Variants in TDRD15 observed in about 807,000 individuals in gnomAD.
TDRD15 encodes the protein tudor domain containing 15.
For missense variants in TDRD15, 1,416 were observed against 904.7 expected, an observed-to-expected ratio of 1.57 and a Z score of -7.25; for synonymous variants, 503 against 314.5, an observed-to-expected ratio of 1.60 and a Z score of -6.34.
At chr2:21,132,416 G>T (rs978553461) in intron 2 of TDRD15, among the ~76,000 whole-genome samples, 3 of 152,060 alleles carry the variant, frequency 2.0e-5, no homozygotes, top group Non-Finnish European at 4.4e-5. Context: ...TGGAGTTAAG[G>T]CTAAAAGACT....
intron 1 of TDRD15, among the ~76,000 whole-genome samples, chr2:21,124,783 ATGTG>A (rs1332639649): frequency 3.0e-5 from 1 of 33,614 alleles, no homozygotes; most frequent in Non-Finnish European, 5.8e-5. Flanking sequence ...ATGCCAGGGT[ATGTG>A]TGTGTGTGAC....
rs576337805 is a variant in TDRD15 at position 21,126,004 on chromosome 2, G to A, written c.-200-1597G>A. Among the ~76,000 whole-genome samples, 74 of 151,970 alleles carry A rather than the reference G, an allele frequency of 4.9e-4. 1 individual carries two copies. Among genetic ancestry groups the A allele is most frequent in the African/African-American group, 1.7e-3 (69 of 41,442 alleles). Reference sequence around the variant, plus strand: ...TAATGAACATTCAGGTTGTGCATGTGTGTGTGTATGTGTGTGTGTGTGTGT... The same window carrying A: ...TAATGAACATTCAGGTTGTGCATGTATGTGTGTATGTGTGTGTGTGTGTGT... On this transcript the variant is annotated intron_variant, in intron 1 of 3. Coordinates refer to ENST00000405799, the MANE Select transcript of TDRD15 (RefSeq NM_001306137.2).
At chr2:21,136,831 A>C (rs544517874) in intron 3 of TDRD15, among the ~76,000 whole-genome samples, 13 of 152,138 alleles carry the variant, frequency 8.5e-5, no homozygotes, top group South Asian at 2.1e-4. Context: ...GGATATACCT[A>C]ACCTACTTCA....
intron 3 of TDRD15, among the ~76,000 whole-genome samples, chr2:21,135,119 AT>A (rs1665784678): frequency 6.8e-6 from 1 of 146,214 alleles, no homozygotes; most frequent in Admixed American, 6.9e-5. Context: ...TATAAAATAT[AT>A]TATGTATTAA....
At position 21,142,546 on chromosome 2, in the gene TDRD15, A is replaced by G. The variant is rs1261798418; in HGVS notation, c.5079A>G (p.Thr1693=). ...LLLLEYLNLN[T]VPVEENKLRL... ...TTTTGGAATACTTAAATTTGAATACAGTTCCTGTTGAAGAAAACAAACTTA... is the reference window on the plus strand; with the variant it reads ...TTTTGGAATACTTAAATTTGAATACGGTTCCTGTTGAAGAAAACAAACTTA... Residue 1693 remains threonine, a synonymous_variant, in exon 4 of 4, where the codon ACA becomes ACG. Coordinates refer to ENST00000405799, the MANE Select transcript of TDRD15 (RefSeq NM_001306137.2). 1 of 705,556 alleles carries G rather than the reference A, an allele frequency of 1.4e-6. No individual in the cohort carries two copies. The highest frequency in any genetic ancestry group is 2.6e-6 in the Non-Finnish European group (1 of 380,896). The allele number at this position is 705,556 out of a possible 1,614,324, so 43.7% of individuals were successfully genotyped here.
Position 21,138,615 on chromosome 2 carries a change from T to C in TDRD15, c.1148T>C (p.Val383Ala), listed in dbSNP as rs1183008081. 4.2e-6 allele frequency: 3 copies of C among 713,230 alleles called. No individual in the cohort carries two copies. Among genetic ancestry groups the C allele is most frequent in the African/African-American group, 1.8e-5 (1 of 57,084 alleles). 44.2% of individuals were successfully genotyped at this position (713,230 alleles called of 1,614,324 possible). A position where few individuals can be genotyped will look rare whatever the true frequency, so the allele number is the denominator to read the frequency against. ...IFKQALLGQV[V>A]YAHIDWFNKD... The stretch of plus-strand genomic sequence containing the variant: ...AAACAGGCCTTATTAGGACAAGTGG[T>C]ATATGCACACATTGATTGGTTCAAT... The change falls in exon 4 of 4, where the codon GTA becomes GCA. Residue 383 changes from valine to alanine, a missense_variant. Transcript: ENST00000405799.
At position 21,141,110 on chromosome 2, in the gene TDRD15, T is replaced by A. The variant is rs1401756183; in HGVS notation, c.3643T>A (p.Tyr1215Asn). 1 of 708,784 alleles carries A rather than the reference T, an allele frequency of 1.4e-6. No individual in the cohort carries two copies. The highest frequency in any genetic ancestry group is 2.6e-6 in the Non-Finnish European group (1 of 382,290). The allele number at this position is 708,784 out of a possible 1,614,324, so 43.9% of individuals were successfully genotyped here. Residue 1215 changes from tyrosine (Y) to asparagine (N), a missense_variant, in exon 4 of 4, where the codon TAT becomes AAT. Coordinates refer to ENST00000405799, the MANE Select transcript of TDRD15 (RefSeq NM_001306137.2). Reference sequence around the variant, plus strand: ...CAGGTTTTTGAAGCCATCAGTTTGTTATAAAATGGAACCTGTGTCAAAAAA... The same window carrying A: ...CAGGTTTTTGAAGCCATCAGTTTGTAATAAAATGGAACCTGTGTCAAAAAA... ...HARFLKPSVC[Y>N]KMEPVSKNKM...
At chr2:21,128,421 C>T (rs942652692) in intron 2 of TDRD15, among the ~76,000 whole-genome samples, 1 of 151,482 alleles carries the variant, frequency 6.6e-6, no homozygotes, top group Non-Finnish European at 1.5e-5. Context: ...CTCCCGGGTT[C>T]ACGCCATTCT....
intron 2 of TDRD15, among the ~76,000 whole-genome samples, chr2:21,134,311 T>A (rs1665769789): frequency 6.6e-6 from 1 of 151,954 alleles, no homozygotes; most frequent in Non-Finnish European, 1.5e-5. Context: ...AAAATATAAT[T>A]TTTATATAAA....
Position 21,139,545 on chromosome 2 carries a change from A to G in TDRD15, c.2078A>G (p.Lys693Arg), listed in dbSNP as rs1283234501. The stretch of plus-strand genomic sequence containing the variant: ...GAATCTAAAAACAAAGTTAATATTA[A>G]AAAAGTCATATCTGCCCTTCTTGAA... ...NSESKNKVNI[K>R]KVISALLEGP... Residue 693 changes from lysine (K) to arginine (R), a missense_variant, in exon 4 of 4, where the codon AAA becomes AGA. By Grantham distance (26) the Lys-to-Arg change is conservative. Coordinates refer to ENST00000405799, the MANE Select transcript of TDRD15 (RefSeq NM_001306137.2). The G allele has an allele frequency of 6.0e-5, 42 of 703,054 alleles. No homozygotes were observed. The East Asian group carries it at 1.1e-3, about 19-fold the overall frequency. The allele number at this position is 703,054 out of a possible 1,614,324, so 43.6% of individuals were successfully genotyped here.
intron 2 of TDRD15, among the ~76,000 whole-genome samples, chr2:21,133,988 C>A (rs1466259737): frequency 6.6e-6 from 1 of 151,868 alleles, no homozygotes; most frequent in Non-Finnish European, 1.5e-5. Flanking sequence ...TTTCATTTGT[C>A]TCTTTAATTA....
In TDRD15 at chr2:21,142,927, T is replaced by G; in HGVS notation, c.5460T>G (p.Ser1820=). The G allele has an allele frequency of 1.4e-6, 1 of 696,828 alleles. No individual in the cohort carries two copies. The allele number at this position is 696,828 out of a possible 1,614,324, so 43.2% of individuals were successfully genotyped here. The change falls in exon 4 of 4, where the codon TCT becomes TCG. Residue 1820 remains serine (S), a synonymous_variant. Transcript: ENST00000405799. ...TTGTGTTGGTTGACTATGGATTTTC[T>G]TTTTATATACGTTATTCAGAAATTA... is the stretch of plus-strand genomic sequence containing the variant. ...LCLVLVDYGF[S]FYIRYSEIIN...
At chr2:21,125,856 A>G (rs1484788458) in intron 1 of TDRD15, among the ~76,000 whole-genome samples, 1 of 152,020 alleles carries the variant, frequency 6.6e-6, no homozygotes, top group Non-Finnish European at 1.5e-5. Flanking sequence ...TTTTTATATT[A>G]CTCTGACCTC....
intron 3 of TDRD15, among the ~76,000 whole-genome samples, chr2:21,136,546 A>G (rs1413878736): frequency 2.0e-5 from 3 of 151,924 alleles, no homozygotes. Flanking sequence ...TTGAGGGGGA[A>G]GGCATCCAAT....
chr2:21,125,427 A>AGGGT (rs1553306674), intron 1 of TDRD15, among the ~76,000 whole-genome samples: 1 of 125,404 alleles, frequency 8.0e-6, no homozygotes, highest in African/African-American at 2.8e-5. Context: ...TCCGAATGCC[A>AGGGT]GGGTGTGTGT....
At chr2:21,128,309 A>T (rs1482663610) in intron 2 of TDRD15, among the ~76,000 whole-genome samples, 3 of 147,018 alleles carry the variant, frequency 2.0e-5, no homozygotes, top group Non-Finnish European at 3.0e-5. Flanking sequence ...TAAATCTGTC[A>T]TTTGTCTATT....
At chr2:21,126,445 C>T (rs1363731341) in intron 1 of TDRD15, among the ~76,000 whole-genome samples, 2 of 151,956 alleles carry the variant, frequency 1.3e-5, no homozygotes, top group Non-Finnish European at 2.9e-5. Context: ...CGTCTCGCCG[C>T]AATCTCTGCC....
At chr2:21,126,690 A>G (rs1318261999) in intron 1 of TDRD15, among the ~76,000 whole-genome samples, 4 of 152,098 alleles carry the variant, frequency 2.6e-5, no homozygotes, top group Non-Finnish European at 2.9e-5. Context: ...CGTTACGACT[A>G]TTGTATTGTT....
At chr2:21,145,445 A>G (rs1666015188), downstream of TDRD15, among the ~76,000 whole-genome samples, 1 of 151,830 alleles carries the variant, frequency 6.6e-6, no homozygotes, top group African/African-American at 2.4e-5. Flanking sequence ...TTGGCCATCA[A>G]ATTCTTTAAG....
Sources: gnomAD v4.1 joint callset for allele counts (sites outside exome capture counted in the v4.1 genomes callset) on GRCh38, gnomAD v4.1.1 for gene constraint, MANE v1.5 for transcripts, NCBI Gene and HGNC (gene_info 2026-07-23, HGNC 2026-07-21) for gene names.